The following NTRK3 variants were observed in gnomAD, a reference collection of about 807,000 sequenced individuals.
The protein encoded by NTRK3 is NT-3 growth factor receptor.
In NTRK3, 24 loss-of-function variants were observed where a neutral mutation model predicts 91.7. The ratio of observed to expected loss-of-function variants is 0.26; its 90% CI spans 0.19 to 0.37. The LOEUF is 0.37. Ranked by LOEUF, NTRK3 falls within the 10% of genes least tolerant of loss-of-function variation. The pLI is 1.00. For missense variants in NTRK3, 880 were observed against 1,068.9 expected (o/e 0.82, Z 2.46); for synonymous variants, 483 against 404.0 (o/e 1.20, Z -2.34).
rs1027770936 is a variant in NTRK3, at chr15:88,059,833, C to A, written c.1397-26788G>T. ...GGGGATAACTAGGTTAAAATGAGGT[C>A]ATTAGGGCAAGCCCTAACCCAATGT... On this transcript the variant is annotated intron_variant, in intron 13 of 18. Transcript: ENST00000394480. Among the ~76,000 whole-genome samples, 3 of 152,150 alleles carry A rather than the reference C, an allele frequency of 2.0e-5. No homozygotes were observed. The South Asian group carries it at 6.2e-4, about 32-fold the overall frequency.
exon 19 of NTRK3, chr15:87,863,328 G>T (rs2064574258): frequency 4.4e-6 from 1 of 226,934 alleles, no homozygotes; most frequent in South Asian, 1.8e-4. Context: ...CCTAGTCTGG[G>T]AGGTCAATCA....
chr15:88,253,638 C>A (rs950343355), intron 3 of NTRK3, among the ~76,000 whole-genome samples: 2 of 152,188 alleles, frequency 1.3e-5, no homozygotes, highest in Non-Finnish European at 2.9e-5. Context: ...GACCCTCCCC[C>A]ACCTGCCACT....
chr15:88,228,579 T>A (rs1224484743), intron 3 of NTRK3, among the ~76,000 whole-genome samples: 1 of 152,188 alleles, frequency 6.6e-6, no homozygotes, highest in Non-Finnish European at 1.5e-5. Context: ...ACAGCCTTCC[T>A]GATTCCCCTG....
intron 5 of NTRK3, among the ~76,000 whole-genome samples, chr15:88,161,410 G>A (rs920441253): frequency 6.6e-6 from 1 of 152,154 alleles, no homozygotes; most frequent in Admixed American, 6.6e-5. Flanking sequence ...CTAGGGCCCT[G>A]TCTCCTGTGC....
At chr15:87,977,145 G>A (rs1001628797) in intron 14 of NTRK3, among the ~76,000 whole-genome samples, 6 of 152,110 alleles carry the variant, frequency 3.9e-5, no homozygotes, top group African/African-American at 1.4e-4. Flanking sequence ...TTCTCAATAC[G>A]ATGAAAAAGC....
chr15:88,185,734 TCTC>T (rs2046890040), intron 3 of NTRK3, among the ~76,000 whole-genome samples: 1 of 151,856 alleles, frequency 6.6e-6, no homozygotes, highest in Non-Finnish European at 1.5e-5. Context: ...TCCCCAGACA[TCTC>T]CTCCCCAGCA....
exon 17 of NTRK3, chr15:87,929,207 C>A (rs2141909201): frequency 6.2e-7 from 1 of 1,614,184 alleles, no homozygotes; most frequent in Non-Finnish European, 8.5e-7. Flanking sequence ...ATAATCCGTG[C>A]TGTAGACATC....
rs150123636 is a variant in NTRK3, at chr15:88,092,450, G to A, written c.1396+33821C>T. 2.2e-4 allele frequency among the ~76,000 whole-genome samples: 34 copies of A among 152,248 alleles called. No homozygotes were observed. The East Asian group carries it at 3.9e-3, about 17-fold the overall frequency. On this transcript the variant is annotated intron_variant, in intron 13 of 18. Coordinates refer to ENST00000394480, the Ensembl canonical transcript of NTRK3. Reference sequence around the variant, plus strand: ...AGGACCAGAGCTTGGTTAAATCTCTGGTAGGTTGCATTCCCACCCCCTGGC... The same window carrying A: ...AGGACCAGAGCTTGGTTAAATCTCTAGTAGGTTGCATTCCCACCCCCTGGC...
intron 5 of NTRK3, among the ~76,000 whole-genome samples, chr15:88,164,580 C>T (rs1014239961): frequency 6.6e-6 from 1 of 152,054 alleles, no homozygotes; most frequent in African/African-American, 2.4e-5. Context: ...CCCCATTGTC[C>T]CTCTCTCCTC....
rs374500933 is a variant in NTRK3 at position 87,943,651 on chromosome 15, C to T, written c.1586-2898G>A. On this transcript the variant is annotated intron_variant, in intron 14 of 18. Transcript: ENST00000394480. ...ACTCTGTTTTTCAGCTGCTGTGCCTCGGTCACATCTTGGAATCCATCCTTC... is the reference window on the plus strand; with the variant it reads ...ACTCTGTTTTTCAGCTGCTGTGCCTTGGTCACATCTTGGAATCCATCCTTC... Among the ~76,000 whole-genome samples, 98 of 152,208 alleles carry T rather than the reference C, an allele frequency of 6.4e-4. 2 individuals are homozygous for T. The South Asian group carries it at 0.012, about 19-fold the overall frequency.
chr15:88,223,763 G>A (rs571335239), intron 3 of NTRK3, among the ~76,000 whole-genome samples: 10 of 152,286 alleles, frequency 6.6e-5, no homozygotes, highest in Middle Eastern at 6.8e-3. Context: ...AAAACCCTTC[G>A]CACAGTGCTG....
At chr15:87,973,841 T>A (rs986785071) in intron 14 of NTRK3, among the ~76,000 whole-genome samples, 4 of 152,050 alleles carry the variant, frequency 2.6e-5, no homozygotes, top group African/African-American at 9.7e-5. Context: ...CCTCCCTGTC[T>A]CTCCCTCCCT....
chr15:88,138,929 C>T (rs1013054404), intron 6 of NTRK3, among the ~76,000 whole-genome samples: 21 of 152,188 alleles, frequency 1.4e-4, no homozygotes, highest in African/African-American at 1.2e-4. Context: ...AAAGAGAGAA[C>T]GAGACTGACT....
At chr15:88,189,854 G>A (rs2047247857) in intron 3 of NTRK3, among the ~76,000 whole-genome samples, 1 of 152,160 alleles carries the variant, frequency 6.6e-6, no homozygotes, top group African/African-American at 2.4e-5. Flanking sequence ...GGTACAGAAT[G>A]TGTGGTCCAT....
chr15:88,105,703 A>C (rs1416383259), intron 13 of NTRK3, among the ~76,000 whole-genome samples: 2 of 152,140 alleles, frequency 1.3e-5, no homozygotes, highest in East Asian at 3.9e-4. Context: ...AAATACACAC[A>C]CACACACACC....
chr15:87,871,751 C>A, exon 19 of NTRK3: 1 of 224,462 alleles, frequency 4.5e-6, no homozygotes, highest in Non-Finnish European at 8.9e-6. Context: ...AAATTGAAAT[C>A]AATTTGCTGA....
intron 14 of NTRK3, among the ~76,000 whole-genome samples, chr15:87,947,595 A>G (rs1448205170): frequency 6.6e-6 from 1 of 152,044 alleles, no homozygotes; most frequent in East Asian, 1.9e-4. Flanking sequence ...ACCCAGAAAC[A>G]GAGTTTCCAG....
intron 17 of NTRK3, among the ~76,000 whole-genome samples, chr15:87,881,125 T>A (rs541828227): frequency 6.6e-6 from 1 of 152,262 alleles, no homozygotes; most frequent in South Asian, 2.1e-4. Flanking sequence ...GAAAAGGAAG[T>A]GACTGACAAG....
In NTRK3 at chr15:88,236,415, G is replaced by A. The variant is rs370151250; in HGVS notation, c.248+19491C>T. 7.4e-5 allele frequency among the ~76,000 whole-genome samples: 11 copies of A among 149,466 alleles called. No homozygotes were observed. The East Asian group carries it at 1.0e-3, about 14-fold the overall frequency. On this transcript the variant is annotated intron_variant, in intron 3 of 18. Transcript: ENST00000394480. ...AGGCTGGGCACTGTGGCTCATGCCT[G>A]TAATCCCAGCACTTTGGGAGACTGA...
Sources: gnomAD v4.1 joint callset for allele counts (sites outside exome capture counted in the v4.1 genomes callset) on GRCh38, gnomAD v4.1.1 for gene constraint, MANE v1.5 for transcripts, NCBI Gene and HGNC (gene_info 2026-07-23, HGNC 2026-07-21) for gene names.